Variants in DSCAM observed in about 807,000 individuals in gnomAD.
The protein encoded by DSCAM is DS cell adhesion molecule, also known as cell adhesion molecule DSCAM.
A neutral mutation model predicts 217.7 loss-of-function variants in DSCAM; 47 were observed. The ratio of observed to expected loss-of-function variants is 0.22; its 90% CI spans 0.17 to 0.28. The LOEUF is 0.28. DSCAM is among the 10% of genes least tolerant of loss of function. DSCAM has a pLI of 1.00. For missense variants in DSCAM, 2,080 were observed against 2,618.3 expected, an observed-to-expected ratio of 0.79 and a Z score of 4.49; for synonymous variants, 1,056 against 1,015.3, an observed-to-expected ratio of 1.04 and a Z score of -0.76.
intron 3 of DSCAM, among the ~76,000 whole-genome samples, chr21:40,542,120 A>G (rs1018775464): frequency 6.6e-6 from 1 of 152,206 alleles, no homozygotes; most frequent in Admixed American, 6.5e-5. Context: ...CATTGAGACT[A>G]TCTGCCTACA....
At chr21:40,492,434 CA>C (rs1425970359) in intron 3 of DSCAM, among the ~76,000 whole-genome samples, 1 of 151,908 alleles carries the variant, frequency 6.6e-6, no homozygotes, top group Non-Finnish European at 1.5e-5. Context: ...ACAAATAATT[CA>C]AAAAATTTTT....
intron 3 of DSCAM, among the ~76,000 whole-genome samples, chr21:40,690,017 G>A (rs1445423375): frequency 5.3e-5 from 8 of 152,128 alleles, no homozygotes; most frequent in East Asian, 1.9e-4. Context: ...CCTCCACCCC[G>A]GCACAGCCTG....
At chr21:40,524,684 A>G (rs1328425989) in intron 3 of DSCAM, among the ~76,000 whole-genome samples, 5 of 152,082 alleles carry the variant, frequency 3.3e-5, no homozygotes, top group Non-Finnish European at 7.4e-5. Flanking sequence ...AAAAGTAGAG[A>G]AAGACAAATT....
At chr21:40,408,674 G>A (rs1180179301) in intron 3 of DSCAM, among the ~76,000 whole-genome samples, 1 of 152,098 alleles carries the variant, frequency 6.6e-6, no homozygotes, top group African/African-American at 2.4e-5. Context: ...TTTGTCTGTT[G>A]ATGTGCCCTC....
chr21:40,286,761 TCCA>T (rs1214806741), intron 10 of DSCAM, among the ~76,000 whole-genome samples: 2 of 141,938 alleles, frequency 1.4e-5, no homozygotes, highest in African/African-American at 6.3e-5. Flanking sequence ...TGCAGTGTGA[TCCA>T]CAGGTGGATC....
intron 3 of DSCAM, chr21:40,615,471 A>G (rs1261664310): frequency 6.6e-6 from 1 of 152,148 alleles, no homozygotes; most frequent in African/African-American, 2.4e-5. Context: ...TCTCTTCATT[A>G]TCTTCAATGG....
intron 15 of DSCAM, among the ~76,000 whole-genome samples, chr21:40,175,723 C>A (rs1028802456): frequency 2.0e-5 from 3 of 151,384 alleles, no homozygotes; most frequent in Non-Finnish European, 4.4e-5. Context: ...CAGACCAGGG[C>A]ACCCTTCAGA....
intron 27 of DSCAM, among the ~76,000 whole-genome samples, chr21:40,067,513 T>A (rs2146528905): frequency 6.6e-6 from 1 of 152,308 alleles, no homozygotes; most frequent in Admixed American, 6.5e-5. Context: ...CAGCACAGCA[T>A]TTATTCTGTC....
chr21:40,385,418 A>G (rs2075073927), intron 3 of DSCAM: 1 of 152,246 alleles, frequency 6.6e-6, no homozygotes, highest in African/African-American at 2.4e-5. Flanking sequence ...GTAGTGGTTC[A>G]TTAAATGTTT....
intron 30 of DSCAM, among the ~76,000 whole-genome samples, chr21:40,049,477 C>T (rs573101396): frequency 3.3e-5 from 5 of 152,224 alleles, no homozygotes; most frequent in African/African-American, 1.2e-4. Context: ...TCCACACGCC[C>T]GCTGACTCAC....
chr21:40,039,147 C>T (rs1035907025), intron 32 of DSCAM, among the ~76,000 whole-genome samples: 1 of 151,044 alleles, frequency 6.6e-6, no homozygotes, highest in African/African-American at 2.4e-5. Context: ...TGCACATGTA[C>T]CCTGAAACTT....
chr21:40,744,832 A>G (rs541901106), intron 1 of DSCAM, among the ~76,000 whole-genome samples: 1 of 152,378 alleles, frequency 6.6e-6, no homozygotes, highest in African/African-American at 2.4e-5. Context: ...AGAATTAAAT[A>G]TCTATCAAAT....
At chr21:40,248,116 A>AC (rs1388602728) in intron 11 of DSCAM, among the ~76,000 whole-genome samples, 1 of 152,078 alleles carries the variant, frequency 6.6e-6, no homozygotes. Context: ...CAGCATGGGC[A>AC]CCCTGGTGTT....
At chr21:40,052,200 G>T in intron 29 of DSCAM, 93 bp from the exon 30 acceptor site, 1 of 1,390,266 alleles carries the variant, frequency 7.2e-7, no homozygotes. Flanking sequence ...TTGTGTTATT[G>T]TTAATGACAA....
Position 40,078,698 on chromosome 21 carries a change from T to C in DSCAM, c.4700A>G (p.Asn1567Ser), listed in dbSNP as rs1313453278. 5 of 1,613,414 alleles carry C rather than the reference T, an allele frequency of 3.1e-6. No homozygotes were observed. The highest frequency in any genetic ancestry group is 4.2e-6 in the Non-Finnish European group (5 of 1,179,598). The change falls in exon 26 of 33, where the codon AAC (asparagine) becomes AGC (serine). Residue 1567 changes from asparagine to serine, a missense_variant. Transcript: ENST00000400454. ...AEKQANFATL[N>S]YDGSTIPPLI... ...GCCAGCCAGCTTACTGCCATCGTAG[T>C]TCAGCGTAGCGAAGTTGGCCTGCTT...
chr21:40,021,791 G>C (rs979912343), intron 32 of DSCAM, among the ~76,000 whole-genome samples: 2 of 151,996 alleles, frequency 1.3e-5, no homozygotes, highest in Non-Finnish European at 2.9e-5. Context: ...CCTTGCCTCT[G>C]GTCCTGAAAT....
chr21:40,022,332 G>C (rs941332805), intron 32 of DSCAM, among the ~76,000 whole-genome samples: 2 of 152,168 alleles, frequency 1.3e-5, no homozygotes, highest in African/African-American at 4.8e-5. Context: ...GCTCAGAATA[G>C]CCCCTGCCAC....
chr21:40,423,464 C>T (rs2075443972), intron 3 of DSCAM, among the ~76,000 whole-genome samples: 1 of 152,206 alleles, frequency 6.6e-6, no homozygotes, highest in Non-Finnish European at 1.5e-5. Context: ...GAAGCTCGTC[C>T]TAAGCGAAGA....
intron 3 of DSCAM, among the ~76,000 whole-genome samples, chr21:40,495,541 T>C (rs2076111336): frequency 6.6e-6 from 1 of 152,112 alleles, no homozygotes; most frequent in Admixed American, 6.5e-5. Context: ...CTCAATACAA[T>C]AAAGGGCATA....
Sources: allele counts gnomAD v4.1 joint callset (sites outside exome capture counted in the v4.1 genomes callset), GRCh38; gene constraint gnomAD v4.1.1; transcripts MANE v1.5; gene names NCBI Gene and HGNC (gene_info 2026-07-23, HGNC 2026-07-21).